HELZ: variants seen among roughly 807,000 people sequenced by gnomAD.
HELZ encodes ATP-dependent RNA helicase with zinc finger domain.
A neutral mutation model predicts 218.2 loss-of-function variants in HELZ; 23 were observed. The ratio of observed to expected loss-of-function variants is 0.11; its 90% CI spans 0.08 to 0.15. The LOEUF is 0.15. Ranked by LOEUF, HELZ falls within the 10% of genes least tolerant of loss-of-function variation. The pLI, the probability that HELZ is intolerant of heterozygous loss-of-function variation, is 1.00. For missense variants in HELZ, 1,813 were observed against 2,353.7 expected (o/e 0.77, Z 4.75); for synonymous variants, 814 against 829.4 (o/e 0.98, Z 0.32).
intron 9 of HELZ, among the ~76,000 whole-genome samples, chr17:67,190,651 G>T (rs2039867596): frequency 6.6e-6 from 1 of 152,108 alleles, no homozygotes; most frequent in Admixed American, 6.5e-5. Context: ...TAGCTTCCTT[G>T]GTCATATAAG....
At chr17:67,199,975 A>G (rs2040127631) in intron 7 of HELZ, among the ~76,000 whole-genome samples, 1 of 152,096 alleles carries the variant, frequency 6.6e-6, no homozygotes, top group Non-Finnish European at 1.5e-5. Flanking sequence ...TTTCCCTCAT[A>G]TCACCTACCT....
chr17:67,177,610 T>G (rs1280230309), intron 13 of HELZ, among the ~76,000 whole-genome samples: 2 of 151,382 alleles, frequency 1.3e-5, no homozygotes, highest in African/African-American at 4.9e-5. Context: ...TATAACCCAC[T>G]GTCCTTCTTA....
At chr17:67,192,618 A>G (rs1256599942) in intron 9 of HELZ, among the ~76,000 whole-genome samples, 5 of 152,204 alleles carry the variant, frequency 3.3e-5, no homozygotes, top group African/African-American at 1.2e-4. Flanking sequence ...TCCTTTTCAT[A>G]GGATTGTGTT....
chr17:67,077,555 T>TAG lies in HELZ; in HGVS notation c.*696_*697insCT, dbSNP rs1485870553. 1 of 151,746 alleles carries TAG rather than the reference T, an allele frequency of 6.6e-6. No homozygotes were observed. Among genetic ancestry groups the TAG allele is most frequent in the African/African-American group, 2.4e-5 (1 of 41,224 alleles). The allele number at this position is 151,746 out of a possible 1,614,324, so 9.4% of individuals were successfully genotyped here. A position where few individuals can be genotyped will look rare whatever the true frequency, so the allele number is the denominator to read the frequency against. On this transcript the variant is annotated 3_prime_UTR_variant, in exon 33 of 33. Coordinates refer to ENST00000358691, the MANE Select transcript of HELZ (RefSeq NM_014877.4). ...CTTGAAGTGTAGCTTGTCCAAAAAA[T>TAG]AACTAAGTATGCCAACGTTTTTTTC...
At chr17:67,197,369 G>T (rs1393893841) in intron 7 of HELZ, among the ~76,000 whole-genome samples, 2 of 152,154 alleles carry the variant, frequency 1.3e-5, no homozygotes, top group Non-Finnish European at 2.9e-5. Flanking sequence ...CCAGTCTCAA[G>T]TATGTCTTTA....
Position 67,122,291 on chromosome 17 carries a change from A to G in HELZ, c.3630+679T>C, listed in dbSNP as rs368423232. On this transcript the variant is annotated intron_variant, in intron 26 of 32. Transcript: ENST00000358691. ...CCAGGTGCAGTGGCTCACACCTGTA[A>G]TCCCAGCACTTTGGGAGGCCAAGAC... 2.6e-5 allele frequency among the ~76,000 whole-genome samples: 4 copies of G among 152,106 alleles called. No individual in the cohort carries two copies. In the South Asian group the frequency reaches 6.2e-4, roughly 24 times the overall value.
At chr17:67,128,963 T>C (rs2037889935) in intron 23 of HELZ, 108 bp from the exon 24 acceptor site, 1 of 806,810 alleles carries the variant, frequency 1.2e-6, no homozygotes, top group Non-Finnish European at 2.0e-6. Flanking sequence ...CCTCAAATCC[T>C]TAAACCCAAT....
At chr17:67,133,522 C>CT (rs910865864) in intron 23 of HELZ, among the ~76,000 whole-genome samples, 8 of 151,900 alleles carry the variant, frequency 5.3e-5, no homozygotes, top group East Asian at 1.9e-4. Context: ...TGACACTATT[C>CT]TTTTTTTTAT....
At position 67,136,485 on chromosome 17, in the gene HELZ, A is replaced by G. The variant is rs137949305; in HGVS notation, c.2954-287T>C. ...GAACTGAAAGGAGTGACTCAAACAG[A>G]TATCTGTATATCCACGTTCATAGCA... On this transcript the variant is annotated intron_variant, in intron 22 of 32. Coordinates refer to ENST00000358691, the MANE Select transcript of HELZ (RefSeq NM_014877.4). Among the ~76,000 whole-genome samples the G allele has an allele frequency of 5.9e-5, 9 of 152,318 alleles. No individual in the cohort carries two copies. In the South Asian group the frequency reaches 1.0e-3, roughly 18 times the overall value.
chr17:67,138,846 T>C lies in HELZ; in HGVS notation c.2770-732A>G, dbSNP rs561108107. ...GTTTGTTCTATTTTAATTCAATGAATTGATCAAACAGTTTCAATGTCTGGC... is the reference window on the plus strand; with the variant it reads ...GTTTGTTCTATTTTAATTCAATGAACTGATCAAACAGTTTCAATGTCTGGC... On this transcript the variant is annotated intron_variant, in intron 21 of 32. Coordinates refer to ENST00000358691, the MANE Select transcript of HELZ (RefSeq NM_014877.4). Among the ~76,000 whole-genome samples, 4 of 152,310 alleles carry C rather than the reference T, an allele frequency of 2.6e-5. No individual in the cohort carries two copies. The South Asian group carries it at 6.2e-4, about 24-fold the overall frequency.
At chr17:67,166,054 G>A (rs904113772) in intron 15 of HELZ, among the ~76,000 whole-genome samples, 7 of 152,114 alleles carry the variant, frequency 4.6e-5, no homozygotes, top group Non-Finnish European at 7.4e-5. Flanking sequence ...AGAGTTGCTT[G>A]AGCCCGGGAG....
chr17:67,099,847 TC>T (rs11289704), intron 31 of HELZ, among the ~76,000 whole-genome samples: 12,925 of 152,148 alleles, frequency 0.085, 1,772 homozygotes, highest in African/African-American at 0.29. Context: ...ATTCTAAGTC[TC>T]ATTAACGATG....
chr17:67,194,591 G>T (rs1226710750), intron 8 of HELZ, among the ~76,000 whole-genome samples: 2 of 152,140 alleles, frequency 1.3e-5, no homozygotes, highest in Non-Finnish European at 2.9e-5. Flanking sequence ...TGAGATAGGA[G>T]CTAAAAACAC....
At chr17:67,142,974 T>C (rs2038378062) in intron 21 of HELZ, among the ~76,000 whole-genome samples, 1 of 152,012 alleles carries the variant, frequency 6.6e-6, no homozygotes, top group Non-Finnish European at 1.5e-5. Flanking sequence ...TTGCCCAGGC[T>C]GGTCTCGAAG....
At chr17:67,203,265 G>A in intron 6 of HELZ, 54 bp downstream of exon 6, 2 of 1,575,404 alleles carry the variant, frequency 1.3e-6, no homozygotes, top group South Asian at 1.1e-5. Flanking sequence ...TATACCTAAG[G>A]AATCAAATAA....
chr17:67,128,541 TG>T, intron 24 of HELZ, 109 bp downstream of exon 24: 2 of 963,270 alleles, frequency 2.1e-6, no homozygotes, highest in South Asian at 2.9e-5. Context: ...TGCCGCCAAA[TG>T]TAACCTTCAA....
intron 13 of HELZ, among the ~76,000 whole-genome samples, chr17:67,171,238 C>T (rs1266344980): frequency 6.6e-6 from 1 of 152,164 alleles, no homozygotes; most frequent in Non-Finnish European, 1.5e-5. Context: ...GTCACCCTCT[C>T]CCAGATCTCC....
intron 31 of HELZ, among the ~76,000 whole-genome samples, chr17:67,092,799 T>C (rs1379283295): frequency 6.6e-6 from 1 of 151,846 alleles, no homozygotes; most frequent in Non-Finnish European, 1.5e-5. Flanking sequence ...ACCCCATCTC[T>C]ACTAAAAATA....
chr17:67,130,722 T>C (rs906035649), intron 23 of HELZ, among the ~76,000 whole-genome samples: 1 of 152,200 alleles, frequency 6.6e-6, no homozygotes, highest in African/African-American at 2.4e-5. Flanking sequence ...AACTGCATAT[T>C]TATCAATACA....
Sources: allele counts gnomAD v4.1 joint callset (sites outside exome capture counted in the v4.1 genomes callset), GRCh38; gene constraint gnomAD v4.1.1; transcripts MANE v1.5; gene names NCBI Gene and HGNC (gene_info 2026-07-23, HGNC 2026-07-21).